Variants in RSRC1 observed in about 807,000 individuals in gnomAD.
RSRC1 encodes arginine and serine rich coiled-coil 1.
A neutral mutation model predicts 49.1 loss-of-function variants in RSRC1; 39 were observed. The ratio of observed to expected loss-of-function variants is 0.79; its 90% CI spans 0.61 to 1.04. RSRC1 has a LOEUF of 1.04. Ranked by LOEUF, RSRC1 falls within the 50% of genes least tolerant of loss-of-function variation. The probability of loss-of-function intolerance (pLI) is 0.00; values close to 1 mark genes in which losing one functional copy is unlikely to be tolerated. For missense variants in RSRC1, 388 were observed against 402.4 expected (o/e 0.96, Z 0.31); for synonymous variants, 143 against 130.8 (o/e 1.09, Z -0.63).
intron 5 of RSRC1, among the ~76,000 whole-genome samples, chr3:158,301,987 T>C (rs1337827564): frequency 1.3e-5 from 1 of 77,800 alleles, no homozygotes; most frequent in Non-Finnish European, 2.6e-5. Flanking sequence ...TTTGGGGTTT[T>C]TTTGTTTTTT....
chr3:158,410,593 C>T (rs535610733), intron 6 of RSRC1, among the ~76,000 whole-genome samples: 1 of 152,238 alleles, frequency 6.6e-6, no homozygotes, highest in Admixed American at 6.5e-5. Context: ...TCTTCAACAC[C>T]TAGCATAGTT....
intron 5 of RSRC1, among the ~76,000 whole-genome samples, chr3:158,299,936 T>C (rs944396858): frequency 2.0e-5 from 3 of 152,198 alleles, no homozygotes; most frequent in African/African-American, 7.2e-5. Context: ...CTTTTACTTA[T>C]TTTGTAAACT....
chr3:158,256,452 T>C (rs1724566610), intron 4 of RSRC1, among the ~76,000 whole-genome samples: 1 of 152,176 alleles, frequency 6.6e-6, no homozygotes, highest in Non-Finnish European at 1.5e-5. Flanking sequence ...TGCTGCTGGA[T>C]TTGGTTTGCC....
At chr3:158,136,179 A>G (rs1048799203) in intron 3 of RSRC1, among the ~76,000 whole-genome samples, 3 of 152,238 alleles carry the variant, frequency 2.0e-5, no homozygotes, top group Non-Finnish European at 4.4e-5. Flanking sequence ...CCTGAGTCTC[A>G]GTATCTTCAT....
At chr3:158,492,665 A>T (rs1210392411) in intron 7 of RSRC1, among the ~76,000 whole-genome samples, 1 of 152,064 alleles carries the variant, frequency 6.6e-6, no homozygotes, top group Non-Finnish European at 1.5e-5. Context: ...TCACTCTTCA[A>T]GTTTACATTT....
intron 7 of RSRC1, among the ~76,000 whole-genome samples, chr3:158,466,567 A>G (rs999988911): frequency 8.5e-5 from 13 of 152,196 alleles, no homozygotes; most frequent in African/African-American, 3.1e-4. Context: ...AGTACAATCT[A>G]AGGAATCAAT....
chr3:158,513,430 A>G (rs1266465726), intron 7 of RSRC1, among the ~76,000 whole-genome samples: 2 of 152,064 alleles, frequency 1.3e-5, no homozygotes, highest in South Asian at 2.1e-4. Context: ...ATTGATTTGT[A>G]TATATTGAAC....
At chr3:158,438,692 GT>G (rs1461818924) in intron 6 of RSRC1, among the ~76,000 whole-genome samples, 1 of 152,092 alleles carries the variant, frequency 6.6e-6, no homozygotes, top group Non-Finnish European at 1.5e-5. Context: ...AGACCTAAAT[GT>G]TAGACCTAAA....
At position 158,208,306 on chromosome 3, in the gene RSRC1, G is replaced by C. The variant is rs138128301; in HGVS notation, c.494+5061G>C. On this transcript the variant is annotated intron_variant, in intron 4 of 9. Transcript: ENST00000611884. ...TTTAAAAGTGAAAGCAATTTATTAAGAAAGTAAAGGAGTAAAGAATGGCTA... is the reference window on the plus strand; with the variant it reads ...TTTAAAAGTGAAAGCAATTTATTAACAAAGTAAAGGAGTAAAGAATGGCTA... 2.5e-3 allele frequency among the ~76,000 whole-genome samples: 382 copies of C among 152,020 alleles called. 2 individuals are homozygous for C. Among genetic ancestry groups the C allele is most frequent in the African/African-American group, 8.6e-3 (358 of 41,464 alleles).
At chr3:158,397,393 T>G (rs1243251634) in intron 6 of RSRC1, among the ~76,000 whole-genome samples, 1 of 152,176 alleles carries the variant, frequency 6.6e-6, no homozygotes, top group Non-Finnish European at 1.5e-5. Flanking sequence ...CATGTTTATA[T>G]TATACTGTTT....
intron 7 of RSRC1, among the ~76,000 whole-genome samples, chr3:158,482,916 C>T (rs938666549): frequency 5.3e-5 from 8 of 151,918 alleles, no homozygotes; most frequent in African/African-American, 1.9e-4. Flanking sequence ...ATTATTTAAC[C>T]TCTAAGCCCA....
chr3:158,322,163 G>C (rs1204385237), intron 5 of RSRC1, among the ~76,000 whole-genome samples: 3 of 152,068 alleles, frequency 2.0e-5, no homozygotes, highest in Non-Finnish European at 2.9e-5. Flanking sequence ...CTGATTTCTT[G>C]ATTTTTTGTT....
intron 1 of RSRC1, among the ~76,000 whole-genome samples, chr3:158,111,857 C>A (rs537642867): frequency 2.0e-5 from 3 of 152,154 alleles, no homozygotes; most frequent in African/African-American, 7.2e-5. Context: ...GCTTCTTGTA[C>A]CCTTATCAAT....
intron 7 of RSRC1, among the ~76,000 whole-genome samples, chr3:158,534,759 T>C (rs879698818): frequency 6.6e-6 from 1 of 151,566 alleles, no homozygotes; most frequent in Non-Finnish European, 1.5e-5. Context: ...AATAGAATGC[T>C]ATGCAATTAT....
intron 4 of RSRC1, among the ~76,000 whole-genome samples, chr3:158,226,631 T>C (rs1204308749): frequency 6.6e-6 from 1 of 151,926 alleles, no homozygotes; most frequent in African/African-American, 2.4e-5. Context: ...GACTCCATGG[T>C]AAAGTACATG....
intron 7 of RSRC1, among the ~76,000 whole-genome samples, chr3:158,473,965 T>A (rs978683741): frequency 7.9e-5 from 12 of 152,204 alleles, no homozygotes; most frequent in Non-Finnish European, 1.8e-4. Flanking sequence ...CTATTAAGTC[T>A]ATAGTTAATG....
intron 6 of RSRC1, among the ~76,000 whole-genome samples, chr3:158,414,425 A>G (rs1734632197): frequency 6.6e-6 from 1 of 152,044 alleles, no homozygotes; most frequent in Non-Finnish European, 1.5e-5. Context: ...GAGAACATCA[A>G]GATAATAACT....
intron 3 of RSRC1, among the ~76,000 whole-genome samples, chr3:158,147,798 A>G (rs999389022): frequency 4.6e-5 from 7 of 152,194 alleles, no homozygotes; most frequent in Non-Finnish European, 7.3e-5. Flanking sequence ...AAATTCTCAT[A>G]TTATAATCTG....
intron 6 of RSRC1, among the ~76,000 whole-genome samples, chr3:158,414,995 A>G (rs1560031961): frequency 1.3e-5 from 2 of 152,116 alleles, no homozygotes; most frequent in African/African-American, 4.8e-5. Flanking sequence ...GTTCAGGTTT[A>G]ACTCTTCGAG....
Sources: allele counts gnomAD v4.1 joint callset (sites outside exome capture counted in the v4.1 genomes callset), GRCh38; gene constraint gnomAD v4.1.1; transcripts MANE v1.5; gene names NCBI Gene and HGNC (gene_info 2026-07-23, HGNC 2026-07-21).